Variants in SLC14A2 observed in about 807,000 individuals in gnomAD.
SLC14A2 encodes the protein urea transporter 2.
A neutral mutation model predicts 104.6 loss-of-function variants in SLC14A2; 91 were observed. The ratio of observed to expected loss-of-function variants is 0.87; its 90% CI spans 0.73 to 1.04. The LOEUF (loss-of-function observed/expected upper bound fraction) is 1.04. Ranked by LOEUF, SLC14A2 falls within the 50% of genes least tolerant of loss-of-function variation. SLC14A2 has a pLI of 0.00. For missense variants in SLC14A2, 1,189 were observed against 1,156.0 expected (o/e 1.03, Z -0.41); for synonymous variants, 476 against 466.4 (o/e 1.02, Z -0.27).
chr18:45,513,207 A>G (rs1280830752), intron 2 of SLC14A2, among the ~76,000 whole-genome samples: 1 of 151,648 alleles, frequency 6.6e-6, no homozygotes, highest in Non-Finnish European at 1.5e-5. Flanking sequence ...CTTATATACC[A>G]CCCTCTCCCC....
At chr18:45,583,706 TATA>T (rs910103484) in intron 2 of SLC14A2, among the ~76,000 whole-genome samples, 37 of 151,718 alleles carry the variant, frequency 2.4e-4, no homozygotes, top group Admixed American at 2.2e-3. Context: ...GACTGAGAAA[TATA>T]ATGTCAGGAG....
At chr18:45,614,392 C>T (rs576127332), upstream of SLC14A2, among the ~76,000 whole-genome samples, 1 of 152,342 alleles carries the variant, frequency 6.6e-6, no homozygotes, top group African/African-American at 2.4e-5. Flanking sequence ...ACAGAGTCCC[C>T]ACTGGAGGAC....
chr18:45,637,352 C>T (rs2045436865), intron 6 of SLC14A2, among the ~76,000 whole-genome samples, 170 bp downstream of exon 6: 1 of 152,174 alleles, frequency 6.6e-6, no homozygotes, highest in South Asian at 2.1e-4. Context: ...TAGATCCTTT[C>T]AACAGTACTT....
At chr18:45,666,703 C>A (rs1366599468) in intron 12 of SLC14A2, among the ~76,000 whole-genome samples, 1 of 152,058 alleles carries the variant, frequency 6.6e-6, no homozygotes, top group East Asian at 1.9e-4. Context: ...TCCTCCTCCA[C>A]AGAACGAAAG....
intron 2 of SLC14A2, among the ~76,000 whole-genome samples, chr18:45,492,698 G>A (rs1431407887): frequency 6.6e-6 from 1 of 152,180 alleles, no homozygotes; most frequent in Non-Finnish European, 1.5e-5. Context: ...AGGAAAAAGG[G>A]GGAATGGCTA....
chr18:45,208,514 A>G (rs2083934071), upstream of SLC14A2, among the ~76,000 whole-genome samples: 1 of 152,172 alleles, frequency 6.6e-6, no homozygotes, highest in Admixed American at 6.5e-5. Context: ...TGAGAAACAC[A>G]CCTGCACATG....
At chr18:45,397,205 G>A (rs905192591) in intron 1 of SLC14A2, among the ~76,000 whole-genome samples, 5 of 152,132 alleles carry the variant, frequency 3.3e-5, no homozygotes, top group African/African-American at 4.8e-5. Context: ...GGGTTGAATG[G>A]TAGTTCTGCT....
At chr18:45,362,539 G>C (rs1408525660) in intron 1 of SLC14A2, among the ~76,000 whole-genome samples, 1 of 152,184 alleles carries the variant, frequency 6.6e-6, no homozygotes, top group Non-Finnish European at 1.5e-5. Flanking sequence ...CAGACAAAGT[G>C]ACATGCCCAG....
chr18:45,170,489 T>G, the SLC14A2 span, among the ~76,000 whole-genome samples: 6 of 152,162 alleles, frequency 3.9e-5, no homozygotes, highest in African/African-American at 1.4e-4. Context: ...TGTTTGCACA[T>G]GGACACAAAA....
intron 1 of SLC14A2, among the ~76,000 whole-genome samples, chr18:45,322,166 T>G (rs2085191808): frequency 6.6e-6 from 1 of 152,262 alleles, no homozygotes; most frequent in African/African-American, 2.4e-5. Context: ...TACTTTCATC[T>G]TATTCATTTG....
chr18:45,632,276 C>T, intron 4 of SLC14A2, 74 bp from the exon 5 acceptor site: 1 of 1,543,734 alleles, frequency 6.5e-7, no homozygotes. Context: ...TAAGCATATC[C>T]TCAGAGCACC....
the SLC14A2 span, among the ~76,000 whole-genome samples, chr18:45,192,636 G>GTTTTTGTTTTGTTTT: frequency 8.9e-6 from 1 of 112,752 alleles, no homozygotes; most frequent in South Asian, 2.5e-4. Flanking sequence ...GTGTGTGTGT[G>GTTTTTGTTTTGTTTT]GTTTTTTTTT....
chr18:45,658,782 A>C (rs537685277), intron 10 of SLC14A2, among the ~76,000 whole-genome samples: 3 of 152,216 alleles, frequency 2.0e-5, no homozygotes, highest in Admixed American at 6.5e-5. Context: ...ACTTCTATGA[A>C]ATCTTTTTTT....
intron 10 of SLC14A2, among the ~76,000 whole-genome samples, chr18:45,654,485 A>G (rs1568316026): frequency 6.6e-6 from 1 of 152,170 alleles, no homozygotes; most frequent in Non-Finnish European, 1.5e-5. Context: ...AACCAGGTAC[A>G]CGTCCTAGCC....
intron 1 of SLC14A2, among the ~76,000 whole-genome samples, chr18:45,278,935 G>A (rs112985594): frequency 7.7e-4 from 118 of 152,270 alleles, no homozygotes; most frequent in African/African-American, 2.8e-3. Flanking sequence ...AAAACACTTT[G>A]TATACATGAT....
intron 1 of SLC14A2, among the ~76,000 whole-genome samples, chr18:45,293,512 G>T (rs1037960658): frequency 6.6e-6 from 1 of 151,808 alleles, no homozygotes; most frequent in Non-Finnish European, 1.5e-5. Context: ...GTCAGGCAAG[G>T]TCCCCCCGAG....
chr18:45,511,712 A>G (rs367708408), intron 2 of SLC14A2, among the ~76,000 whole-genome samples: 11 of 152,222 alleles, frequency 7.2e-5, no homozygotes, highest in Non-Finnish European at 1.6e-4. Context: ...TACAAAGGGA[A>G]GAGGAAACTA....
At chr18:45,181,307 T>G in the SLC14A2 span, 1 of 152,216 alleles carries the variant, frequency 6.6e-6, no homozygotes, top group African/African-American at 2.4e-5. Flanking sequence ...CAACACTCTA[T>G]GGGGTAACCT....
Position 45,643,078 on chromosome 18 carries a change from G to C in SLC14A2, c.1127-54G>C. 1.9e-6 allele frequency: 3 copies of C among 1,564,488 alleles called. No individual in the cohort carries two copies. In the South Asian group the frequency reaches 3.3e-5, roughly 17 times the overall value. On this transcript the variant is annotated intron_variant, in intron 8 of 19. Transcript: ENST00000255226. ...GGCTCCCTGGTCTGCAATGGCAGTG[G>C]CTTAGGGGGAAGGCCCTGGGAAGCT...
Sources: allele counts gnomAD v4.1 joint callset (sites outside exome capture counted in the v4.1 genomes callset), GRCh38; gene constraint gnomAD v4.1.1; transcripts MANE v1.5; gene names NCBI Gene and HGNC (gene_info 2026-07-23, HGNC 2026-07-21).